Variants in CNTNAP2 observed in about 807,000 individuals in gnomAD.
CNTNAP2 encodes contactin-associated protein-like 2.
A neutral mutation model predicts 155.2 loss-of-function variants in CNTNAP2; 98 were observed. The ratio of observed to expected loss-of-function variants is 0.63; its 90% CI spans 0.54 to 0.75. CNTNAP2 has a LOEUF of 0.75. Ranked by LOEUF, CNTNAP2 falls within the 30% of genes least tolerant of loss-of-function variation. The pLI, the probability that CNTNAP2 is intolerant of heterozygous loss-of-function variation, is 0.00. For synonymous variants in CNTNAP2, 651 were observed against 631.2 expected (o/e 1.03, Z -0.47); for missense variants, 1,727 against 1,688.1 (o/e 1.02, Z -0.40).
intron 21 of CNTNAP2, among the ~76,000 whole-genome samples, chr7:148,310,724 C>T (rs1002047132): frequency 1.2e-4 from 18 of 152,080 alleles, no homozygotes; most frequent in African/African-American, 3.6e-4. Context: ...AGACCTTGTG[C>T]GAGGCAAAAC....
chr7:147,018,548 G>C (rs1798765938), intron 3 of CNTNAP2, among the ~76,000 whole-genome samples: 1 of 152,056 alleles, frequency 6.6e-6, no homozygotes, highest in Non-Finnish European at 1.5e-5. Context: ...TCACTCTAAT[G>C]CTTTATTCAG....
chr7:147,368,524 G>A (rs555402286), intron 9 of CNTNAP2, among the ~76,000 whole-genome samples: 2 of 152,266 alleles, frequency 1.3e-5, no homozygotes, highest in East Asian at 1.9e-4. Context: ...GTTACAGAGA[G>A]ATAATGAAAC....
chr7:147,395,477 A>C (rs1334716497), intron 9 of CNTNAP2, 132 bp from the exon 10 acceptor site: 3 of 895,418 alleles, frequency 3.4e-6, no homozygotes, highest in African/African-American at 1.7e-5. Flanking sequence ...TCTACACTGA[A>C]TATAACATCA....
intron 4 of CNTNAP2, among the ~76,000 whole-genome samples, chr7:147,067,478 G>T (rs1019097141): frequency 6.6e-6 from 1 of 152,080 alleles, no homozygotes; most frequent in Middle Eastern, 3.4e-3. Context: ...TCAAAAAACT[G>T]TGTATTGCTA....
intron 1 of CNTNAP2, among the ~76,000 whole-genome samples, chr7:146,218,381 C>T (rs1390490364): frequency 2.0e-5 from 3 of 151,946 alleles, no homozygotes; most frequent in Non-Finnish European, 2.9e-5. Flanking sequence ...TGGTGGCGGG[C>T]GCCCGTAGTC....
chr7:147,831,155 T>A (rs1484494083), intron 13 of CNTNAP2, among the ~76,000 whole-genome samples: 1 of 152,170 alleles, frequency 6.6e-6, no homozygotes, highest in Non-Finnish European at 1.5e-5. Context: ...GCTGTATATG[T>A]TATGCCTTAA....
At chr7:147,142,202 C>A (rs1801611713) in intron 8 of CNTNAP2, among the ~76,000 whole-genome samples, 1 of 152,126 alleles carries the variant, frequency 6.6e-6, no homozygotes, top group South Asian at 2.1e-4. Context: ...ATGTTATTGG[C>A]TGTGGGTTTG....
At chr7:147,917,966 C>T (rs1174279291) in intron 14 of CNTNAP2, among the ~76,000 whole-genome samples, 2 of 152,212 alleles carry the variant, frequency 1.3e-5, no homozygotes, top group African/African-American at 4.8e-5. Context: ...CACATATCTG[C>T]GTTTTCAACA....
At chr7:148,086,563 A>G (rs75866837) in intron 15 of CNTNAP2, among the ~76,000 whole-genome samples, 1 of 152,250 alleles carries the variant, frequency 6.6e-6, no homozygotes, top group African/African-American at 2.4e-5. Flanking sequence ...TTTTTAGATT[A>G]AAATCAGTTA....
chr7:147,319,065 C>G (rs1400108992), intron 9 of CNTNAP2, among the ~76,000 whole-genome samples: 1 of 152,092 alleles, frequency 6.6e-6, no homozygotes, highest in Non-Finnish European at 1.5e-5. Context: ...TTGTTACTTA[C>G]AGTTACTAAT....
rs76475298 is a variant in CNTNAP2 at position 147,395,713 on chromosome 7, G to A, written c.1603G>A (p.Glu535Lys). 88 of 1,612,474 alleles carry A rather than the reference G, an allele frequency of 5.5e-5. No individual in the cohort carries two copies. In the Middle Eastern group the frequency reaches 2.1e-3, roughly 39 times the overall value. Reference protein sequence around the residue: ...QVDDQLVNLYEVAQRKPGSFA... With the variant: ...QVDDQLVNLYKVAQRKPGSFA... ...GGACGATCAACTTGTAAATTTATAC[G>A]AAGTGGCACAAAGGAAGCCGGGAAG... Residue 535 changes from glutamate to lysine, a missense_variant, in exon 10 of 24, where the codon GAA (glutamate) becomes AAA (lysine). Physicochemically the swap from Glu to Lys is moderately conservative, Grantham distance 56 (BLOSUM62 1). Transcript: ENST00000361727.
chr7:146,519,328 T>A (rs1482751313), intron 1 of CNTNAP2, among the ~76,000 whole-genome samples: 1 of 151,824 alleles, frequency 6.6e-6, no homozygotes, highest in East Asian at 1.9e-4. Flanking sequence ...ATTTGAGGCT[T>A]GAGAAGAGGG....
chr7:147,726,586 G>T (rs897974313), intron 13 of CNTNAP2, among the ~76,000 whole-genome samples: 1 of 151,928 alleles, frequency 6.6e-6, no homozygotes, highest in Non-Finnish European at 1.5e-5. Context: ...CAGCAGCAAG[G>T]GTCCGAGAAG....
chr7:147,544,992 C>T (rs560391115), intron 11 of CNTNAP2, among the ~76,000 whole-genome samples: 1 of 152,102 alleles, frequency 6.6e-6, no homozygotes, highest in Admixed American at 6.6e-5. Context: ...TCTTTATTAG[C>T]AGCATGAGAA....
At chr7:147,221,138 A>T (rs1183267693) in intron 8 of CNTNAP2, among the ~76,000 whole-genome samples, 1 of 47,920 alleles carries the variant, frequency 2.1e-5, no homozygotes, top group Non-Finnish European at 5.3e-5. Flanking sequence ...AACTTATAAT[A>T]AAAAAAAACT....
intron 9 of CNTNAP2, among the ~76,000 whole-genome samples, chr7:147,390,657 G>A (rs569480694): frequency 6.6e-6 from 1 of 152,142 alleles, no homozygotes; most frequent in Admixed American, 6.6e-5. Flanking sequence ...CTTCCCTGGA[G>A]TAAGGGATCA....
At chr7:148,380,453 T>C (rs1159818658) in intron 21 of CNTNAP2, among the ~76,000 whole-genome samples, 1 of 152,208 alleles carries the variant, frequency 6.6e-6, no homozygotes, top group East Asian at 1.9e-4. Flanking sequence ...AATTGTTGGC[T>C]CAGCCGCTAA....
At chr7:148,330,739 A>AG (rs1797979639) in intron 21 of CNTNAP2, among the ~76,000 whole-genome samples, 2 of 138,342 alleles carry the variant, frequency 1.4e-5, no homozygotes, top group African/African-American at 2.8e-5. Flanking sequence ...GGATGGATGG[A>AG]TGGATGGATG....
At chr7:146,928,774 A>T (rs188167524) in intron 3 of CNTNAP2, among the ~76,000 whole-genome samples, 7 of 152,352 alleles carry the variant, frequency 4.6e-5, no homozygotes, top group African/African-American at 7.2e-5. Context: ...GCGGTGCACC[A>T]GGAGATTATA....
Sources: gnomAD v4.1 joint callset for allele counts (sites outside exome capture counted in the v4.1 genomes callset) on GRCh38, gnomAD v4.1.1 for gene constraint, MANE v1.5 for transcripts, NCBI Gene and HGNC (gene_info 2026-07-23, HGNC 2026-07-21) for gene names.